Variants in MVB12B observed in about 807,000 individuals in gnomAD.
The protein encoded by MVB12B is multivesicular body subunit 12B, also known as ESCRT-I complex subunit MVB12B.
A neutral mutation model predicts 41.6 loss-of-function variants in MVB12B; 16 were observed. The ratio of observed to expected loss-of-function variants is 0.38; its 90% CI spans 0.26 to 0.58. MVB12B has a LOEUF of 0.58. Among genes scored for constraint, MVB12B ranks in the 20% least tolerant of loss-of-function variants. MVB12B has a pLI of 0.62. For missense variants in MVB12B, 274 were observed against 380.2 expected (o/e 0.72, Z 2.32); for synonymous variants, 133 against 139.7 (o/e 0.95, Z 0.34).
At chr9:126,397,035 G>C in intron 6 of MVB12B, 7 of 985,576 alleles carry the variant, frequency 7.1e-6, no homozygotes, top group Non-Finnish European at 8.4e-6. Flanking sequence ...TGGGGAGTCA[G>C]CTAAGTCCAT....
At chr9:126,455,975 C>T (rs1395914240) in intron 7 of MVB12B, among the ~76,000 whole-genome samples, 1 of 145,460 alleles carries the variant, frequency 6.9e-6, no homozygotes, top group Non-Finnish European at 1.5e-5. Context: ...ACTGCAAACT[C>T]CACCTCCCAG....
chr9:126,464,226 CA>C (rs1833148303), intron 7 of MVB12B, among the ~76,000 whole-genome samples: 2 of 152,264 alleles, frequency 1.3e-5, no homozygotes, highest in African/African-American at 4.8e-5. Flanking sequence ...GGAGGCAGCC[CA>C]GGGGGTAACG....
chr9:126,374,060 A>G (rs998394402), intron 2 of MVB12B, among the ~76,000 whole-genome samples: 13 of 152,218 alleles, frequency 8.5e-5, no homozygotes, highest in Non-Finnish European at 1.8e-4. Flanking sequence ...GTATGTGTAC[A>G]AAGTTGTTTC....
In MVB12B at chr9:126,503,618, G is replaced by A. The variant is rs1834008858; in HGVS notation, c.*355G>A. Reference sequence around the variant, plus strand: ...CCCTGGCCGCCCAGTGACGCCCACCGGCTCCCTCCGCTCCCTCCTGTCACC... The same window carrying A: ...CCCTGGCCGCCCAGTGACGCCCACCAGCTCCCTCCGCTCCCTCCTGTCACC... On this transcript the variant is annotated 3_prime_UTR_variant, in exon 10 of 10. Transcript: ENST00000361171. The A allele has an allele frequency of 1.2e-5, 4 of 320,650 alleles. No homozygotes were observed. The highest frequency in any genetic ancestry group is 4.1e-5 in the South Asian group (1 of 24,330). The allele number at this position is 320,650 out of a possible 1,614,324, so 19.9% of individuals were successfully genotyped here.
At chr9:126,347,355 C>T (rs893081683) in intron 2 of MVB12B, among the ~76,000 whole-genome samples, 4 of 152,302 alleles carry the variant, frequency 2.6e-5, no homozygotes, top group South Asian at 2.1e-4. Flanking sequence ...TTTTGCTGCT[C>T]CTGCCTCCCC....
chr9:126,345,476 C>T (rs1829562717), intron 2 of MVB12B, among the ~76,000 whole-genome samples: 1 of 152,252 alleles, frequency 6.6e-6, no homozygotes, highest in Non-Finnish European at 1.5e-5. Flanking sequence ...CCTCAGTCCC[C>T]TGGAGGGCCC....
In MVB12B at chr9:126,395,229, A is replaced by G. The variant is rs913615392; in HGVS notation, c.540-346A>G. Among the ~76,000 whole-genome samples, 1 of 152,222 alleles carries G rather than the reference A, an allele frequency of 6.6e-6. No individual in the cohort carries two copies. The highest frequency in any genetic ancestry group is 2.4e-5 in the African/African-American group (1 of 41,442). On this transcript the variant is annotated intron_variant, in intron 5 of 9. Transcript: ENST00000361171. The surrounding 1 kb of genome is among the most constrained non-coding windows in gnomAD (Gnocchi z 4.9). ...CCTATCTGTCTCTCCTAATTGCACA[A>G]AGGACTTGATGTGGATTATCACGTC...
chr9:126,350,009 G>A (rs1020615769), intron 2 of MVB12B, among the ~76,000 whole-genome samples: 1 of 152,182 alleles, frequency 6.6e-6, no homozygotes, highest in African/African-American at 2.4e-5. Context: ...GTTATCGTCA[G>A]TATTTTTTTG....
In MVB12B at chr9:126,504,340, G is replaced by A. The variant is rs527454842; in HGVS notation, c.*1077G>A. 6 of 152,420 alleles carry A rather than the reference G, an allele frequency of 3.9e-5. No individual in the cohort carries two copies. Among genetic ancestry groups the A allele is most frequent in the East Asian group, 1.9e-4 (1 of 5,184 alleles). 9.4% of individuals were successfully genotyped at this position (152,420 alleles called of 1,614,324 possible). ...TAGGCAGTGGTGGCTGCCATCCCTC[G>A]GGGCCCAGGCCCTCACCCGAAGGGC... On this transcript the variant is annotated 3_prime_UTR_variant, in exon 10 of 10. Coordinates refer to ENST00000361171, the MANE Select transcript of MVB12B (RefSeq NM_033446.3).
chr9:126,378,527 A>G (rs1017512771), intron 2 of MVB12B, among the ~76,000 whole-genome samples: 3 of 152,080 alleles, frequency 2.0e-5, no homozygotes, highest in African/African-American at 4.8e-5. Context: ...TCCCTGAACC[A>G]TCCAGCCCTC....
chr9:126,332,290 G>C (rs1258708824), intron 1 of MVB12B, among the ~76,000 whole-genome samples: 3 of 152,164 alleles, frequency 2.0e-5, no homozygotes, highest in African/African-American at 7.2e-5. Flanking sequence ...CAGCCTGTGA[G>C]TTCCATGTCT....
chr9:126,377,521 C>T lies in MVB12B; in HGVS notation c.205-3543C>T, dbSNP rs560074880. ...TGGAAATTTCATTTGAAAAACTTCC[C>T]GTTACCTTATTTGGGTAGCTGACAG... On this transcript the variant is annotated intron_variant, in intron 2 of 9. Coordinates refer to ENST00000361171, the MANE Select transcript of MVB12B (RefSeq NM_033446.3). Among the ~76,000 whole-genome samples the T allele has an allele frequency of 2.9e-4, 44 of 152,218 alleles. No individual in the cohort carries two copies. The South Asian group carries it at 8.7e-3, about 30-fold the overall frequency.
At chr9:126,404,819 G>A (rs60571613) in intron 6 of MVB12B, among the ~76,000 whole-genome samples, 1,621 of 152,352 alleles carry the variant, frequency 0.011, 24 homozygotes, top group African/African-American at 0.036. Context: ...TCTGGTGATC[G>A]TGAGAGTGGC....
chr9:126,451,363 C>T (rs1832885046), intron 7 of MVB12B, among the ~76,000 whole-genome samples: 1 of 152,212 alleles, frequency 6.6e-6, no homozygotes, highest in Admixed American at 6.5e-5. Flanking sequence ...AGAGGGGACT[C>T]TCTCAAAGGC....
chr9:126,342,337 G>A (rs547021945), intron 2 of MVB12B, among the ~76,000 whole-genome samples: 21 of 152,244 alleles, frequency 1.4e-4, no homozygotes, highest in South Asian at 6.2e-4. Context: ...TTAGCATTCC[G>A]TTTGTACCTT....
At chr9:126,444,773 G>A (rs1306194733) in intron 7 of MVB12B, among the ~76,000 whole-genome samples, 2 of 152,060 alleles carry the variant, frequency 1.3e-5, no homozygotes, top group East Asian at 3.8e-4. Flanking sequence ...TGTGTGACAA[G>A]ATAAGAATCT....
chr9:126,415,497 T>G (rs1831790446), intron 6 of MVB12B, among the ~76,000 whole-genome samples: 1 of 152,186 alleles, frequency 6.6e-6, no homozygotes, highest in Non-Finnish European at 1.5e-5. Flanking sequence ...GTTTTTGGCT[T>G]TATAAGTAGT....
At chr9:126,420,996 G>A (rs1831997803) in intron 6 of MVB12B, among the ~76,000 whole-genome samples, 1 of 152,076 alleles carries the variant, frequency 6.6e-6, no homozygotes, top group Non-Finnish European at 1.5e-5. Flanking sequence ...CACAGGTTAG[G>A]CTCCTGAGCT....
At chr9:126,420,014 G>C (rs538371660) in intron 6 of MVB12B, among the ~76,000 whole-genome samples, 1 of 152,266 alleles carries the variant, frequency 6.6e-6, no homozygotes, top group South Asian at 2.1e-4. Flanking sequence ...TGCTTCCGAC[G>C]TGTGCCCTAA....
Sources: gnomAD v4.1 joint callset for allele counts (sites outside exome capture counted in the v4.1 genomes callset) on GRCh38, gnomAD v4.1.1 for gene constraint, Gnocchi (gnomAD v3.1) non-coding constraint, MANE v1.5 for transcripts, NCBI Gene and HGNC (gene_info 2026-07-23, HGNC 2026-07-21) for gene names.